Variants in TTLL5 observed in about 807,000 individuals in gnomAD.
TTLL5 encodes the protein tubulin tyrosine ligase like 5.
Under a neutral mutation model 168.4 loss-of-function variants are expected in TTLL5, and 132 were observed. The ratio of observed to expected loss-of-function variants is 0.78; its 90% CI spans 0.68 to 0.91. TTLL5 has a LOEUF of 0.91. Among genes scored for constraint, TTLL5 ranks in the 40% least tolerant of loss-of-function variants. The pLI is 0.00. For missense variants in TTLL5, 1,545 were observed against 1,581.5 expected, an observed-to-expected ratio of 0.98 and a Z score of 0.39; for synonymous variants, 546 against 558.6, an observed-to-expected ratio of 0.98 and a Z score of 0.32.
Position 75,921,519 on chromosome 14 carries a change from A to G in TTLL5, c.3823+19295A>G, listed in dbSNP as rs1292594138. Among the ~76,000 whole-genome samples the G allele has an allele frequency of 2.0e-5, 3 of 152,202 alleles. No individual in the cohort carries two copies. The South Asian group carries it at 6.2e-4, about 31-fold the overall frequency. On this transcript the variant is annotated intron_variant, in intron 31 of 31. Coordinates refer to ENST00000298832, the MANE Select transcript of TTLL5 (RefSeq NM_015072.5). ...TTGCTTGTTTTTGTCAGGTTTGTCAAAGATCAGATTGTTGTAGATGTGTTC... is the reference window on the plus strand; with the variant it reads ...TTGCTTGTTTTTGTCAGGTTTGTCAGAGATCAGATTGTTGTAGATGTGTTC...
intron 15 of TTLL5, among the ~76,000 whole-genome samples, chr14:75,741,916 A>G (rs182713311): frequency 2.2e-4 from 33 of 152,340 alleles, no homozygotes; most frequent in African/African-American, 7.7e-4. Context: ...TTCATTGGTT[A>G]CAGAAACCAC....
chr14:75,772,645 A>G (rs1891412598), intron 21 of TTLL5, among the ~76,000 whole-genome samples: 2 of 151,664 alleles, frequency 1.3e-5, no homozygotes, highest in South Asian at 4.2e-4. Flanking sequence ...GAGTTTATGG[A>G]AGAAGCCACA....
intron 29 of TTLL5, among the ~76,000 whole-genome samples, chr14:75,867,359 G>A (rs2030608583): frequency 6.6e-6 from 1 of 152,144 alleles, no homozygotes; most frequent in South Asian, 2.1e-4. Context: ...ATAACCTAAT[G>A]AATAGGCAGA....
At chr14:75,805,075 C>T (rs570890464) in intron 27 of TTLL5, among the ~76,000 whole-genome samples, 1 of 152,348 alleles carries the variant, frequency 6.6e-6, no homozygotes, top group Admixed American at 6.5e-5. Flanking sequence ...CACCCCTACA[C>T]ACTTGCTCTT....
rs745737228 is a variant in TTLL5, at chr14:75,690,257, G to T, written c.437G>T (p.Gly146Val). ...KNIIRMQHTH[G>V]FKAFHILPQT... ...ATTATTCGAATGCAGCATACACATG[G>T]ATTCAAGGCTTTTCACATCCTCCCC... is the stretch of plus-strand genomic sequence containing the variant. Residue 146 changes from glycine to valine, a missense_variant, in exon 6 of 32, where the codon GGA becomes GTA. Coordinates refer to ENST00000298832, the MANE Select transcript of TTLL5 (RefSeq NM_015072.5). 1.9e-6 allele frequency: 3 copies of T among 1,612,334 alleles called. No individual in the cohort carries two copies. The highest frequency in any genetic ancestry group is 2.5e-6 in the Non-Finnish European group (3 of 1,179,232).
chr14:75,810,034 T>C (rs1205251507), intron 27 of TTLL5, among the ~76,000 whole-genome samples: 2 of 152,168 alleles, frequency 1.3e-5, no homozygotes. Flanking sequence ...TATTTTTAGC[T>C]TTTTGAGGAA....
chr14:75,784,123 A>G (rs1892229531), intron 26 of TTLL5, among the ~76,000 whole-genome samples: 2 of 152,190 alleles, frequency 1.3e-5, no homozygotes, highest in African/African-American at 2.4e-5. Context: ...CGACACCAGT[A>G]TCTAATTTTA....
chr14:75,867,357 A>G (rs569209069), intron 29 of TTLL5, among the ~76,000 whole-genome samples: 1 of 152,342 alleles, frequency 6.6e-6, no homozygotes, highest in East Asian at 1.9e-4. Flanking sequence ...GAATAACCTA[A>G]TGAATAGGCA....
intron 13 of TTLL5, among the ~76,000 whole-genome samples, chr14:75,733,042 T>A (rs1236688173): frequency 1.3e-5 from 2 of 152,252 alleles, no homozygotes; most frequent in Non-Finnish European, 2.9e-5. Flanking sequence ...TCTAGAGATT[T>A]ATGCCAAAGA....
At chr14:75,829,599 T>A (rs1401737640) in intron 28 of TTLL5, among the ~76,000 whole-genome samples, 1 of 151,890 alleles carries the variant, frequency 6.6e-6, no homozygotes, top group Non-Finnish European at 1.5e-5. Context: ...AGCGAGTGAT[T>A]TTAAAAGAGC....
At chr14:75,910,332 T>C (rs2033321778) in intron 31 of TTLL5, among the ~76,000 whole-genome samples, 1 of 152,234 alleles carries the variant, frequency 6.6e-6, no homozygotes, top group South Asian at 2.1e-4. Context: ...TGCCTACTCC[T>C]ACATCTTGCT....
intron 13 of TTLL5, among the ~76,000 whole-genome samples, chr14:75,732,921 C>T (rs1333241740): frequency 6.6e-6 from 1 of 152,030 alleles, no homozygotes; most frequent in Non-Finnish European, 1.5e-5. Context: ...TTTTACTAAC[C>T]TATTGTTTAG....
intron 31 of TTLL5, among the ~76,000 whole-genome samples, chr14:75,917,746 G>T (rs1287496823): frequency 6.6e-6 from 1 of 152,216 alleles, no homozygotes; most frequent in Non-Finnish European, 1.5e-5. Flanking sequence ...CTGGTTGGCA[G>T]AGGAAACATG....
intron 23 of TTLL5, 113 bp from the exon 24 acceptor site, chr14:75,779,462 T>C (rs981814602): frequency 4.8e-6 from 7 of 1,473,024 alleles, no homozygotes; most frequent in East Asian, 4.6e-5. Context: ...AATTTTCAGC[T>C]TGTGCTTTTC....
intron 28 of TTLL5, among the ~76,000 whole-genome samples, chr14:75,843,236 G>A (rs771905108): frequency 4.6e-5 from 7 of 152,146 alleles, no homozygotes; most frequent in African/African-American, 7.2e-5. Flanking sequence ...GGAAGTGCAT[G>A]CACTTATTTG....
chr14:75,709,361 A>T (rs186446242), intron 9 of TTLL5: 1 of 594,354 alleles, frequency 1.7e-6, no homozygotes, highest in African/African-American at 1.8e-5. Context: ...GAGCAGACTA[A>T]CCAAACCTCG....
chr14:75,816,713 T>C (rs1376455872), intron 27 of TTLL5, among the ~76,000 whole-genome samples: 3 of 152,190 alleles, frequency 2.0e-5, no homozygotes, highest in Non-Finnish European at 2.9e-5. Flanking sequence ...TTAGTTATCA[T>C]AAAGACCTTT....
chr14:75,737,412 G>A (rs1460794201), intron 15 of TTLL5, among the ~76,000 whole-genome samples: 1 of 152,144 alleles, frequency 6.6e-6, no homozygotes, highest in African/African-American at 2.4e-5. Flanking sequence ...GAAAATAAAT[G>A]TTCTAACCTT....
intron 27 of TTLL5, among the ~76,000 whole-genome samples, chr14:75,812,076 C>T (rs1196773313): frequency 6.6e-6 from 1 of 152,186 alleles, no homozygotes; most frequent in Non-Finnish European, 1.5e-5. Flanking sequence ...GCTCACCTGC[C>T]TTATTCGGAA....
Sources: gnomAD v4.1 joint callset for allele counts (sites outside exome capture counted in the v4.1 genomes callset) on GRCh38, gnomAD v4.1.1 for gene constraint, MANE v1.5 for transcripts, NCBI Gene and HGNC (gene_info 2026-07-23, HGNC 2026-07-21) for gene names.